The following SLC24A2 variants were observed in gnomAD, a reference collection of about 807,000 sequenced individuals.
SLC24A2 encodes solute carrier family 24 member 2, also known as sodium/potassium/calcium exchanger 2.
SLC24A2 carries 36 observed loss-of-function variants against 62.0 expected under a neutral mutation model. The observed-to-expected ratio is 0.58, with a 90% confidence interval of 0.44 to 0.77. The LOEUF is 0.77. Among genes scored for constraint, SLC24A2 ranks in the 30% least tolerant of loss-of-function variants. The pLI is 0.00. For missense variants in SLC24A2, 846 were observed against 817.9 expected, an observed-to-expected ratio of 1.03 and a Z score of -0.42; for synonymous variants, 358 against 294.0, an observed-to-expected ratio of 1.22 and a Z score of -2.23.
At chr9:19,937,583 T>G in the SLC24A2 span, among the ~76,000 whole-genome samples, 2 of 152,238 alleles carry the variant, frequency 1.3e-5, no homozygotes, top group African/African-American at 4.8e-5. Context: ...AATTATCAGC[T>G]GAAAATGAGT....
the SLC24A2 span, among the ~76,000 whole-genome samples, chr9:20,081,936 T>A: frequency 6.6e-6 from 1 of 152,212 alleles, no homozygotes; most frequent in African/African-American, 2.4e-5. Context: ...TGTAGCTTTG[T>A]TCCCTCAGCC....
the SLC24A2 span, among the ~76,000 whole-genome samples, chr9:20,289,764 C>A: frequency 6.6e-6 from 1 of 152,146 alleles, no homozygotes; most frequent in Non-Finnish European, 1.5e-5. Flanking sequence ...ATGCCTCCTC[C>A]TGTTATATCA....
chr9:19,541,914 C>G (rs1380651801), intron 8 of SLC24A2, among the ~76,000 whole-genome samples: 1 of 152,120 alleles, frequency 6.6e-6, no homozygotes, highest in East Asian at 1.9e-4. Flanking sequence ...CCTGGTGCGC[C>G]GTTTTTCAAG....
At chr9:20,260,208 T>A in the SLC24A2 span, among the ~76,000 whole-genome samples, 1 of 152,266 alleles carries the variant, frequency 6.6e-6, no homozygotes, top group African/African-American at 2.4e-5. Context: ...TCTTGCCCTC[T>A]CTTGCCCTTC....
chr9:19,528,112 C>G lies in SLC24A2; in HGVS notation c.1506G>C (p.Thr502=). ...CAATCCAGGTAATGGAGCCAAAGAACGTGATGGGAAAAAACTTCCTCGATG... is the reference window on the plus strand; with the variant it reads ...CAATCCAGGTAATGGAGCCAAAGAAGGTGATGGGAAAAAACTTCCTCGATG... ...KPSSRKFFPI[T]FFGSITWIAV... is the part of the protein sequence containing the mutation. The change falls in exon 9 of 11, where the codon ACG becomes ACC. Residue 502 remains threonine (T), a synonymous_variant. Transcript: ENST00000341998. The G allele has an allele frequency of 6.3e-7, 1 of 1,595,482 alleles. No homozygotes were observed. Among genetic ancestry groups the G allele is most frequent in the Non-Finnish European group, 8.5e-7 (1 of 1,170,164 alleles).
the SLC24A2 span, among the ~76,000 whole-genome samples, chr9:20,022,534 T>C: frequency 6.6e-6 from 1 of 152,194 alleles, no homozygotes; most frequent in Non-Finnish European, 1.5e-5. Flanking sequence ...CCCCTCCCTG[T>C]TGCAATTCCT....
chr9:19,614,121 T>C (rs943609136), intron 4 of SLC24A2, among the ~76,000 whole-genome samples: 1 of 152,208 alleles, frequency 6.6e-6, no homozygotes, highest in South Asian at 2.1e-4. Context: ...TTCATGAAGA[T>C]GTACCCCTGA....
the SLC24A2 span, among the ~76,000 whole-genome samples, chr9:19,991,004 A>G: frequency 3.9e-5 from 5 of 127,370 alleles, no homozygotes; most frequent in Non-Finnish European, 8.1e-5. Context: ...ATGTGTGTAT[A>G]CATATATACA....
At chr9:19,517,953 A>ACT (rs908747866) in intron 10 of SLC24A2, among the ~76,000 whole-genome samples, 7,856 of 124,190 alleles carry the variant, frequency 0.063, 314 homozygotes, top group East Asian at 0.15. Context: ...ACACACACAC[A>ACT]CACACTCTCA....
At chr9:19,572,259 C>A (rs1213344441) in intron 7 of SLC24A2, among the ~76,000 whole-genome samples, 452 of 69,578 alleles carry the variant, frequency 6.5e-3, no homozygotes, top group African/African-American at 8.7e-3. Context: ...GAGTCCGTCT[C>A]AAAAAAAAAA....
At chr9:20,095,465 T>C in the SLC24A2 span, among the ~76,000 whole-genome samples, 2 of 152,228 alleles carry the variant, frequency 1.3e-5, no homozygotes, top group African/African-American at 4.8e-5. Context: ...CTATTGTGGA[T>C]GGGCCTCATC....
chr9:19,686,370 A>G (rs1474111152), intron 2 of SLC24A2, among the ~76,000 whole-genome samples: 2 of 152,102 alleles, frequency 1.3e-5, no homozygotes, highest in African/African-American at 4.8e-5. Context: ...AGAACTTAAA[A>G]CAGAAGTAAC....
At chr9:19,803,353 C>T in the SLC24A2 span, among the ~76,000 whole-genome samples, 4 of 152,014 alleles carry the variant, frequency 2.6e-5, no homozygotes, top group African/African-American at 4.8e-5. Context: ...GAAAATTGCT[C>T]TTTTGTTTTT....
chr9:19,983,578 G>T, the SLC24A2 span, among the ~76,000 whole-genome samples: 1 of 152,144 alleles, frequency 6.6e-6, no homozygotes, highest in Non-Finnish European at 1.5e-5. Context: ...AGGACGTGGA[G>T]GTTGTAAGTG....
At position 19,786,981 on chromosome 9, in the gene SLC24A2, G is replaced by C. The variant is rs536969032; in HGVS notation, c.-115C>G. 8.2e-6 allele frequency: 12 copies of C among 1,472,210 alleles called. 1 individual carries two copies. In the South Asian group the frequency reaches 1.6e-4, roughly 20 times the overall value. The allele number at this position is 1,472,210 out of a possible 1,614,324, so 91.2% of individuals were successfully genotyped here. On this transcript the variant is annotated 5_prime_UTR_variant, in exon 2 of 11. Coordinates refer to ENST00000341998, the MANE Select transcript of SLC24A2 (RefSeq NM_020344.4). This position sits in a 1 kb window ranked among gnomAD's most constrained non-coding sequence, Gnocchi z 5.0. ...TGCTTGTGGGGTACTTTCACAATCA[G>C]GGATTGTTATGCTTCACAGGAAACT... is the stretch of plus-strand genomic sequence containing the variant.
chr9:20,189,669 G>A, the SLC24A2 span, among the ~76,000 whole-genome samples: 404 of 152,238 alleles, frequency 2.7e-3, 2 homozygotes, highest in African/African-American at 9.2e-3. Flanking sequence ...GCCTCCCTTT[G>A]GAGAGCTAAC....
At position 19,775,398 on chromosome 9, in the gene SLC24A2, C is replaced by CT. The variant is rs1389691522; in HGVS notation, c.930+10538dup. On this transcript the variant is annotated intron_variant, in intron 2 of 10. Coordinates refer to ENST00000341998, the MANE Select transcript of SLC24A2 (RefSeq NM_020344.4). ...AAGCATATCATGCTGTGATCTATGC[C>CT]TTTTTTACTCTGCAATCGTTCTATC... Among the ~76,000 whole-genome samples the CT allele has an allele frequency of 2.0e-5, 3 of 152,170 alleles. No individual in the cohort carries two copies. In the East Asian group the frequency reaches 5.8e-4, roughly 29 times the overall value.
upstream of SLC24A2, among the ~76,000 whole-genome samples, chr9:19,792,600 T>A (rs1021295277): frequency 6.7e-6 from 1 of 148,630 alleles, no homozygotes; most frequent in Non-Finnish European, 1.5e-5. Context: ...CCCAGCTACT[T>A]GGGAGGTTGA....
intron 2 of SLC24A2, among the ~76,000 whole-genome samples, chr9:19,688,401 G>T (rs1452078774): frequency 6.6e-6 from 1 of 152,076 alleles, no homozygotes; most frequent in Non-Finnish European, 1.5e-5. Flanking sequence ...AGAAAGCTGG[G>T]TATCATTTGG....
Sources: gnomAD v4.1 joint callset for allele counts (sites outside exome capture counted in the v4.1 genomes callset) on GRCh38, gnomAD v4.1.1 for gene constraint, Gnocchi (gnomAD v3.1) non-coding constraint, MANE v1.5 for transcripts, NCBI Gene and HGNC (gene_info 2026-07-23, HGNC 2026-07-21) for gene names.